Variants in FSHR observed in about 807,000 individuals in gnomAD.
The protein encoded by FSHR is follicle stimulating hormone receptor.
FSHR carries 46 observed loss-of-function variants against 52.1 expected under a neutral mutation model. That is an observed-to-expected ratio of 0.88 (90% CI 0.70 to 1.13). The LOEUF (loss-of-function observed/expected upper bound fraction) is 1.13, where lower values mean the gene tolerates loss of function less well. Ranked by LOEUF, FSHR falls within the 50% of genes most tolerant of loss-of-function variation. The pLI is 0.00. For missense variants in FSHR, 964 were observed against 834.6 expected, an observed-to-expected ratio of 1.16 and a Z score of -1.91; for synonymous variants, 399 against 309.6, an observed-to-expected ratio of 1.29 and a Z score of -3.03.
chr2:49,103,797 C>T (rs192450122), intron 1 of FSHR, among the ~76,000 whole-genome samples: 7 of 152,240 alleles, frequency 4.6e-5, no homozygotes, highest in South Asian at 2.1e-4. Context: ...AGAAAGACTA[C>T]AGTCATGACT....
chr2:49,026,026 C>T lies in FSHR; in HGVS notation c.225-5866G>A, dbSNP rs2104240826. ...AGGCTCCTTTTACCTCCTCAGATGACAGCCAGTGGTGCTATCCTTTCCTGA... is the reference window on the plus strand; with the variant it reads ...AGGCTCCTTTTACCTCCTCAGATGATAGCCAGTGGTGCTATCCTTTCCTGA... On this transcript the variant is annotated intron_variant, in intron 2 of 9. Transcript: ENST00000406846. Among the ~76,000 whole-genome samples, 3 of 152,308 alleles carry T rather than the reference C, an allele frequency of 2.0e-5. No individual in the cohort carries two copies. The South Asian group carries it at 6.2e-4, about 32-fold the overall frequency.
At chr2:49,011,506 T>A (rs1667272119) in intron 4 of FSHR, among the ~76,000 whole-genome samples, 1 of 152,162 alleles carries the variant, frequency 6.6e-6, no homozygotes. Context: ...ATATATTCTG[T>A]TGATTTGGGG....
rs567385854 is a variant in FSHR at position 49,123,029 on chromosome 2, G to T, written c.152+31237C>A. On this transcript the variant is annotated intron_variant, in intron 1 of 9. Coordinates refer to ENST00000406846, the MANE Select transcript of FSHR (RefSeq NM_000145.4). ...TCCCTCCTTTCCTTTATCCTTCCTCGCCTCCTTCCTTCCTTTCCTCCACAT... is the reference window on the plus strand; with the variant it reads ...TCCCTCCTTTCCTTTATCCTTCCTCTCCTCCTTCCTTCCTTTCCTCCACAT... 2.2e-4 allele frequency among the ~76,000 whole-genome samples: 33 copies of T among 151,286 alleles called. No individual in the cohort carries two copies. The South Asian group carries it at 6.9e-3, about 32-fold the overall frequency.
At chr2:49,050,221 T>C (rs1328019112) in intron 2 of FSHR, among the ~76,000 whole-genome samples, 1 of 152,178 alleles carries the variant, frequency 6.6e-6, no homozygotes. Flanking sequence ...ATTTCCCAAC[T>C]GATGGCTAAG....
chr2:49,047,202 A>G (rs1044634709), intron 2 of FSHR, among the ~76,000 whole-genome samples: 1 of 152,182 alleles, frequency 6.6e-6, no homozygotes, highest in Non-Finnish European at 1.5e-5. Flanking sequence ...TGTCTGCTTT[A>G]CTAAATGAAA....
At chr2:48,966,069 G>C (rs913803153) in intron 9 of FSHR, among the ~76,000 whole-genome samples, 2 of 152,190 alleles carry the variant, frequency 1.3e-5, no homozygotes, top group African/African-American at 4.8e-5. Flanking sequence ...TGTAGGTCAA[G>C]TTATTTAGTA....
Position 48,963,053 on chromosome 2 carries a change from A to G in FSHR, c.1768T>C (p.Phe590Leu). 1 of 1,614,102 alleles carries G rather than the reference A, an allele frequency of 6.2e-7. No individual in the cohort carries two copies. Among genetic ancestry groups the G allele is most frequent in the Non-Finnish European group, 8.5e-7 (1 of 1,179,990 alleles). Residue 590 changes from phenylalanine (F) to leucine (L), a missense_variant, in exon 10 of 10, where the codon TTC becomes CTC. Coordinates refer to ENST00000406846, the MANE Select transcript of FSHR (RefSeq NM_000145.4). ...TDFLCMAPIS[F>L]FAISASLKVP... ...TTGAGGGAGGCAGAAATGGCAAAGA[A>G]AGAAATGGGTGCCATGCAGAGGAAG...
intron 1 of FSHR, among the ~76,000 whole-genome samples, chr2:49,103,327 A>C (rs1671101194): frequency 1.3e-5 from 2 of 152,152 alleles, no homozygotes; most frequent in African/African-American, 4.8e-5. Flanking sequence ...ATTGTAAATA[A>C]ACTCAGGCTC....
At chr2:49,054,487 C>T (rs1668982240) in intron 2 of FSHR, among the ~76,000 whole-genome samples, 2 of 152,124 alleles carry the variant, frequency 1.3e-5, no homozygotes, top group Admixed American at 6.5e-5. Context: ...CAGACATACC[C>T]CCAGGCCAGC....
rs1405307611 is a variant in FSHR at position 48,962,683 on chromosome 2, G to A, written c.*50C>T. On this transcript the variant is annotated 3_prime_UTR_variant, in exon 10 of 10. Transcript: ENST00000406846. Reference sequence around the variant, plus strand: ...AGCTCTTTGTGACATACCCTTCAAAGGCAAGACTGAATTATCATTCAATAC... The same window carrying A: ...AGCTCTTTGTGACATACCCTTCAAAAGCAAGACTGAATTATCATTCAATAC... The A allele has an allele frequency of 2.5e-5, 40 of 1,571,938 alleles. No individual in the cohort carries two copies. The highest frequency in any genetic ancestry group is 3.3e-5 in the Non-Finnish European group (38 of 1,142,472).
chr2:49,010,998 T>G (rs1373444384), intron 4 of FSHR, among the ~76,000 whole-genome samples: 1 of 151,424 alleles, frequency 6.6e-6, no homozygotes, highest in African/African-American at 2.4e-5. Flanking sequence ...TTCATTAATT[T>G]TTTGAAGGGT....
chr2:48,967,849 G>A (rs1297450067), intron 9 of FSHR, among the ~76,000 whole-genome samples: 1 of 152,190 alleles, frequency 6.6e-6, no homozygotes, highest in South Asian at 2.1e-4. Context: ...TAGGAAAGCT[G>A]TATTAGTTCT....
chr2:48,974,397 A>T (rs1396047887), intron 8 of FSHR, among the ~76,000 whole-genome samples: 1 of 152,188 alleles, frequency 6.6e-6, no homozygotes, highest in East Asian at 1.9e-4. Flanking sequence ...ATTCCTTCTT[A>T]TCACGGCTAC....
chr2:48,968,919 A>G (rs1355551490), intron 8 of FSHR, 36 bp from the exon 9 acceptor site: 5 of 1,593,878 alleles, frequency 3.1e-6, no homozygotes, highest in African/African-American at 1.3e-5. Context: ...CAGGATTACT[A>G]TGGACCTAAA....
In FSHR at chr2:49,044,817, T is replaced by C. The variant is rs368250768; in HGVS notation, c.224+23402A>G. On this transcript the variant is annotated intron_variant, in intron 2 of 9. Transcript: ENST00000406846. Reference sequence around the variant, plus strand: ...TCAGACTGCCAGGACATAATGGCTATATTTAGACTTGTGCTTCTTCCCTGA... The same window carrying C: ...TCAGACTGCCAGGACATAATGGCTACATTTAGACTTGTGCTTCTTCCCTGA... Among the ~76,000 whole-genome samples, 4 of 152,194 alleles carry C rather than the reference T, an allele frequency of 2.6e-5. No homozygotes were observed. In the South Asian group the frequency reaches 6.2e-4, roughly 24 times the overall value.
chr2:49,054,099 C>A (rs948289911), intron 2 of FSHR, among the ~76,000 whole-genome samples: 4 of 152,098 alleles, frequency 2.6e-5, no homozygotes, highest in Non-Finnish European at 5.9e-5. Flanking sequence ...ATTGCTTACC[C>A]ATTGTGTTAC....
intron 1 of FSHR, among the ~76,000 whole-genome samples, chr2:49,085,968 G>GT (rs1161762533): frequency 2.8e-4 from 42 of 151,060 alleles, no homozygotes; most frequent in Middle Eastern, 3.4e-3. Flanking sequence ...CTGTTGTGGG[G>GT]GGGGGGAGTG....
At chr2:49,017,122 G>A (rs759836291) in intron 4 of FSHR, among the ~76,000 whole-genome samples, 2 of 152,208 alleles carry the variant, frequency 1.3e-5, no homozygotes, top group Admixed American at 6.5e-5. Context: ...ATGCATATAT[G>A]CAGAATAAGA....
chr2:49,014,852 C>G (rs943849868), intron 4 of FSHR: 2 of 460,636 alleles, frequency 4.3e-6, no homozygotes, highest in Non-Finnish European at 8.9e-6. Context: ...CTGGGGATGC[C>G]TCTTCATGTC....
Sources: gnomAD v4.1 joint callset for allele counts (sites outside exome capture counted in the v4.1 genomes callset) on GRCh38, gnomAD v4.1.1 for gene constraint, MANE v1.5 for transcripts, NCBI Gene and HGNC (gene_info 2026-07-23, HGNC 2026-07-21) for gene names.